The following SMYD3 variants were observed in gnomAD, a reference collection of about 807,000 sequenced individuals.
The protein encoded by SMYD3 is SET and MYND domain containing 3, also known as histone-lysine N-methyltransferase SMYD3.
SMYD3 carries 36 observed loss-of-function variants against 57.7 expected under a neutral mutation model. The ratio of observed to expected loss-of-function variants is 0.62; its 90% CI spans 0.48 to 0.82. The LOEUF is 0.82. Among genes scored for constraint, SMYD3 ranks in the 40% least tolerant of loss-of-function variants. The pLI, the probability that SMYD3 is intolerant of heterozygous loss-of-function variation, is 0.00. For missense variants in SMYD3, 515 were observed against 538.8 expected (o/e 0.96, Z 0.44); for synonymous variants, 211 against 195.0 (o/e 1.08, Z -0.68).
At chr1:245,864,225 A>G (rs1472428470) in intron 8 of SMYD3, among the ~76,000 whole-genome samples, 1 of 152,228 alleles carries the variant, frequency 6.6e-6, no homozygotes, top group African/African-American at 2.4e-5. Context: ...CATGTTCCCA[A>G]TTAGAGTTAC....
chr1:245,943,213 T>G (rs1205911908), intron 5 of SMYD3, among the ~76,000 whole-genome samples: 1 of 148,460 alleles, frequency 6.7e-6, no homozygotes, highest in East Asian at 1.9e-4. Flanking sequence ...GGCTGAGTTT[T>G]TTTTTTTTTT....
intron 10 of SMYD3, among the ~76,000 whole-genome samples, chr1:245,802,475 C>G (rs2047917512): frequency 1.3e-5 from 2 of 152,176 alleles, no homozygotes; most frequent in South Asian, 2.1e-4. Flanking sequence ...TCAACTTAAT[C>G]TCTTGAAAAA....
intron 5 of SMYD3, among the ~76,000 whole-genome samples, chr1:246,107,804 C>G (rs2061157438): frequency 6.6e-6 from 1 of 152,156 alleles, no homozygotes; most frequent in Non-Finnish European, 1.5e-5. Context: ...AACTCAAGAC[C>G]AGAAACACAG....
At chr1:245,874,983 G>A (rs573174911) in intron 8 of SMYD3, among the ~76,000 whole-genome samples, 37 of 152,304 alleles carry the variant, frequency 2.4e-4, no homozygotes, top group Middle Eastern at 6.8e-3. Flanking sequence ...CCATGAGACA[G>A]ACTACACAAA....
At chr1:245,816,684 G>T (rs753750617) in intron 10 of SMYD3, among the ~76,000 whole-genome samples, 1 of 151,964 alleles carries the variant, frequency 6.6e-6, no homozygotes, top group African/African-American at 2.4e-5. Context: ...CAGGTCAGTG[G>T]GTGCGCGCAC....
At chr1:246,290,567 A>T (rs111283903) in intron 5 of SMYD3, among the ~76,000 whole-genome samples, 1 of 152,054 alleles carries the variant, frequency 6.6e-6, no homozygotes, top group African/African-American at 2.4e-5. Flanking sequence ...ACATCAACAT[A>T]TTTTCAAGGC....
chr1:245,908,584 T>G (rs1381007203), intron 8 of SMYD3, among the ~76,000 whole-genome samples: 1 of 152,240 alleles, frequency 6.6e-6, no homozygotes. Flanking sequence ...ACATTAGTCC[T>G]CTAAACAAGG....
At chr1:245,988,729 T>A (rs561396030) in intron 5 of SMYD3, among the ~76,000 whole-genome samples, 2 of 152,192 alleles carry the variant, frequency 1.3e-5, no homozygotes, top group African/African-American at 4.8e-5. Context: ...CCCAGGCCAA[T>A]CAGCAGATGG....
intron 5 of SMYD3, among the ~76,000 whole-genome samples, chr1:246,101,164 T>C (rs554104908): frequency 1.1e-4 from 16 of 148,216 alleles, no homozygotes; most frequent in African/African-American, 3.7e-4. Context: ...TTAGGGTTAG[T>C]TGAGCTTAAA....
chr1:246,449,247 T>C (rs971683090), intron 1 of SMYD3, among the ~76,000 whole-genome samples: 6 of 151,984 alleles, frequency 3.9e-5, no homozygotes, highest in African/African-American at 1.5e-4. Flanking sequence ...AAAAATAAAA[T>C]AAACAAAAGT....
intron 1 of SMYD3, among the ~76,000 whole-genome samples, chr1:246,462,119 AC>A (rs1257239115): frequency 1.3e-5 from 2 of 152,196 alleles, no homozygotes; most frequent in African/African-American, 4.8e-5. Context: ...GAACACTTTT[AC>A]GTGTGTGGAG....
chr1:246,330,628 A>G, intron 3 of SMYD3, 91 bp from the exon 4 acceptor site: 13 of 1,047,200 alleles, frequency 1.2e-5, no homozygotes, highest in Admixed American at 2.8e-5. Context: ...TATTTAAATG[A>G]AAGTCCATCA....
rs564087603 is a variant in SMYD3 at position 246,068,359 on chromosome 1, A to T, written c.532-138422T>A. Among the ~76,000 whole-genome samples the T allele has an allele frequency of 1.2e-4, 18 of 152,280 alleles. No homozygotes were observed. In the East Asian group the frequency reaches 3.5e-3, roughly 29 times the overall value. ...CTGCCACCTCTGTTAAAAGGGTACA[A>T]ATATGCTATGCTTGCTTCAAATCTA... is the stretch of plus-strand genomic sequence containing the variant. On this transcript the variant is annotated intron_variant, in intron 5 of 11. Coordinates refer to ENST00000490107, the MANE Select transcript of SMYD3 (RefSeq NM_001167740.2).
chr1:246,284,318 T>G (rs921712827), intron 5 of SMYD3, among the ~76,000 whole-genome samples: 2 of 152,198 alleles, frequency 1.3e-5, no homozygotes, highest in South Asian at 4.1e-4. Context: ...TCTGCAGCAC[T>G]TAAACACTTC....
chr1:245,800,189 T>C (rs999870223), intron 10 of SMYD3, among the ~76,000 whole-genome samples: 1 of 152,092 alleles, frequency 6.6e-6, no homozygotes, highest in African/African-American at 2.4e-5. Flanking sequence ...GGGAGAGCTC[T>C]TCTCTGAGGC....
intron 5 of SMYD3, among the ~76,000 whole-genome samples, chr1:245,987,797 T>C (rs1383861759): frequency 2.6e-5 from 4 of 152,208 alleles, no homozygotes; most frequent in Admixed American, 2.6e-4. Context: ...ACCCCAGTCT[T>C]AAACATCTGA....
intron 5 of SMYD3, among the ~76,000 whole-genome samples, chr1:246,004,862 T>G (rs2059141982): frequency 6.6e-6 from 1 of 152,176 alleles, no homozygotes. Context: ...ATTTTTTTTT[T>G]GAGACAGCGT....
At chr1:246,496,013 C>T (rs1010829939) in intron 1 of SMYD3, among the ~76,000 whole-genome samples, 2 of 151,534 alleles carry the variant, frequency 1.3e-5, no homozygotes, top group East Asian at 1.9e-4. Context: ...GAAATATTTT[C>T]GTCAGTTTCT....
intron 5 of SMYD3, among the ~76,000 whole-genome samples, chr1:246,000,348 A>G (rs1432136387): frequency 6.6e-6 from 1 of 152,194 alleles, no homozygotes; most frequent in African/African-American, 2.4e-5. Context: ...GAAAGGAGAA[A>G]GGAAAAGGAG....
Sources: allele counts gnomAD v4.1 joint callset (sites outside exome capture counted in the v4.1 genomes callset), GRCh38; gene constraint gnomAD v4.1.1; transcripts MANE v1.5; gene names NCBI Gene and HGNC (gene_info 2026-07-23, HGNC 2026-07-21).